AKAP7: variants seen among roughly 807,000 people sequenced by gnomAD.
The protein encoded by AKAP7 is A kinase (PRKA) anchor protein 7.
In AKAP7, 39 loss-of-function variants were observed where a neutral mutation model predicts 39.5. The observed-to-expected ratio is 0.99, with a 90% confidence interval of 0.76 to 1.29. The LOEUF is 1.29. Ranked by LOEUF, AKAP7 falls within the 50% of genes most tolerant of loss-of-function variation. AKAP7 has a pLI of 0.00. For missense variants in AKAP7, 414 were observed against 407.7 expected, an observed-to-expected ratio of 1.02 and a Z score of -0.13; for synonymous variants, 140 against 139.1, an observed-to-expected ratio of 1.01 and a Z score of -0.05.
intron 1 of AKAP7, among the ~76,000 whole-genome samples, chr6:131,141,922 A>G (rs1361771189): frequency 6.8e-6 from 1 of 146,452 alleles, no homozygotes; most frequent in Non-Finnish European, 1.5e-5. Flanking sequence ...TTTTTTTGCA[A>G]CAGGGTCTCA....
At chr6:131,194,209 A>G (rs893947167) in intron 5 of AKAP7, among the ~76,000 whole-genome samples, 9 of 151,870 alleles carry the variant, frequency 5.9e-5, no homozygotes, top group African/African-American at 2.2e-4. Context: ...CTTTTGCTCT[A>G]TCCCATGGAT....
intron 4 of AKAP7, among the ~76,000 whole-genome samples, chr6:131,165,930 G>A (rs1460139552): frequency 6.6e-6 from 1 of 152,102 alleles, no homozygotes; most frequent in African/African-American, 2.4e-5. Flanking sequence ...AAGATGTATG[G>A]AAAACCAAAG....
chr6:131,274,118 G>A (rs1814544904), intron 7 of AKAP7, among the ~76,000 whole-genome samples: 2 of 151,756 alleles, frequency 1.3e-5, no homozygotes, highest in African/African-American at 2.4e-5. Context: ...GTGTTTCTCT[G>A]TATATAATGC....
chr6:131,192,328 C>T (rs758164278), intron 5 of AKAP7, among the ~76,000 whole-genome samples: 5 of 152,242 alleles, frequency 3.3e-5, no homozygotes, highest in Middle Eastern at 3.4e-3. Flanking sequence ...TTTCCCAGCC[C>T]ATTTATTGAA....
chr6:131,171,213 G>A (rs1804014040), intron 5 of AKAP7, among the ~76,000 whole-genome samples: 1 of 152,092 alleles, frequency 6.6e-6, no homozygotes, highest in Non-Finnish European at 1.5e-5. Flanking sequence ...GCCTTGTGCA[G>A]AAACAAACAG....
chr6:131,274,685 G>A (rs2128337180), intron 7 of AKAP7, among the ~76,000 whole-genome samples: 1 of 152,124 alleles, frequency 6.6e-6, no homozygotes, highest in South Asian at 2.1e-4. Flanking sequence ...TGGTACATAG[G>A]TCCCTTTATC....
chr6:131,231,211 G>T (rs1474573623), intron 7 of AKAP7, among the ~76,000 whole-genome samples: 1 of 152,006 alleles, frequency 6.6e-6, no homozygotes, highest in Admixed American at 6.6e-5. Context: ...TGAGCATTAT[G>T]TGGTAAAAAT....
intron 6 of AKAP7, among the ~76,000 whole-genome samples, chr6:131,212,132 T>TCA (rs1406618346): frequency 6.6e-6 from 1 of 152,238 alleles, no homozygotes; most frequent in African/African-American, 2.4e-5. Flanking sequence ...CATGTTGCTT[T>TCA]CACACGTCGT....
intron 7 of AKAP7, among the ~76,000 whole-genome samples, chr6:131,253,628 C>T (rs1812615545): frequency 6.6e-6 from 1 of 151,900 alleles, no homozygotes; most frequent in Non-Finnish European, 1.5e-5. Context: ...CCTCTGGTAA[C>T]CATCATTCCA....
At chr6:131,179,452 G>A (rs1007916956) in intron 5 of AKAP7, among the ~76,000 whole-genome samples, 1 of 152,170 alleles carries the variant, frequency 6.6e-6, no homozygotes, top group Non-Finnish European at 1.5e-5. Flanking sequence ...GAGATTACAG[G>A]CGTGAGCCAC....
At chr6:131,184,094 C>T (rs1805568988) in intron 5 of AKAP7, among the ~76,000 whole-genome samples, 1 of 152,168 alleles carries the variant, frequency 6.6e-6, no homozygotes, top group Admixed American at 6.5e-5. Flanking sequence ...AAACTGGGCC[C>T]ACAGGTATGC....
chr6:131,181,252 G>A (rs1805205349), intron 5 of AKAP7, among the ~76,000 whole-genome samples: 1 of 152,070 alleles, frequency 6.6e-6, no homozygotes, highest in African/African-American at 2.4e-5. Context: ...TTCACTTTTT[G>A]TATTTACCAT....
Position 131,135,702 on chromosome 6 carries a change from G to A in AKAP7, c.-62G>A. 8.5e-7 allele frequency: 1 copy of A among 1,172,014 alleles called. No homozygotes were observed. Among genetic ancestry groups the A allele is most frequent in the African/African-American group, 1.6e-5 (1 of 61,786 alleles). 72.6% of individuals were successfully genotyped at this position (1,172,014 alleles called of 1,614,324 possible). ...CGCCTCGGCCTCGCCTCCAGCCCCG[G>A]GACGCGGCCCGCCACCGCCGCTGCC... is the stretch of plus-strand genomic sequence containing the variant. On this transcript the variant is annotated 5_prime_UTR_variant, in exon 1 of 8. Coordinates refer to ENST00000431975, the MANE Select transcript of AKAP7 (RefSeq NM_016377.4).
At chr6:131,157,370 T>C (rs1309491244) in intron 2 of AKAP7, among the ~76,000 whole-genome samples, 2 of 152,206 alleles carry the variant, frequency 1.3e-5, no homozygotes, top group Non-Finnish European at 2.9e-5. Context: ...ACCCAGGTGC[T>C]CTGGTTCCAA....
rs907090767 is a variant in AKAP7 at position 131,202,689 on chromosome 6, G to A, written c.702+3116G>A. Reference sequence around the variant, plus strand: ...ACGAGTTAATGGGTGCAGCACACCAGCATGGCACATGTATACATATGTAAC... The same window carrying A: ...ACGAGTTAATGGGTGCAGCACACCAACATGGCACATGTATACATATGTAAC... On this transcript the variant is annotated intron_variant, in intron 6 of 7. Transcript: ENST00000431975. 1.7e-4 allele frequency among the ~76,000 whole-genome samples: 26 copies of A among 151,640 alleles called. No homozygotes were observed. The South Asian group carries it at 2.5e-3, about 15-fold the overall frequency.
intron 3 of AKAP7, among the ~76,000 whole-genome samples, chr6:131,160,908 C>T (rs1055140348): frequency 3.3e-5 from 5 of 152,302 alleles, no homozygotes; most frequent in Middle Eastern, 6.8e-3. Context: ...CATCTCATTA[C>T]AACCACTGAA....
At chr6:131,129,909 A>G in the AKAP7 span, among the ~76,000 whole-genome samples, 1 of 152,238 alleles carries the variant, frequency 6.6e-6, no homozygotes, top group South Asian at 2.1e-4. Context: ...GGACCAAGGA[A>G]CATCCTAGGG....
At chr6:131,272,205 A>G (rs1814339459) in intron 7 of AKAP7, among the ~76,000 whole-genome samples, 1 of 152,184 alleles carries the variant, frequency 6.6e-6, no homozygotes, top group Non-Finnish European at 1.5e-5. Context: ...TATAATCGAT[A>G]GTGATGTTTC....
intron 7 of AKAP7, among the ~76,000 whole-genome samples, chr6:131,242,862 C>G (rs1481319927): frequency 2.0e-5 from 3 of 152,156 alleles, no homozygotes; most frequent in Admixed American, 6.5e-5. Context: ...CTTTCTAAGT[C>G]AAGTGCCTTT....
Sources: allele counts gnomAD v4.1 joint callset (sites outside exome capture counted in the v4.1 genomes callset), GRCh38; gene constraint gnomAD v4.1.1; transcripts MANE v1.5; gene names NCBI Gene and HGNC (gene_info 2026-07-23, HGNC 2026-07-21).